Variants in CUL2 observed in about 807,000 individuals in gnomAD.
CUL2 encodes cullin 2, also known as cullin-2.
In CUL2, 22 loss-of-function variants were observed where a neutral mutation model predicts 110.2. That is an observed-to-expected ratio of 0.20 (90% CI 0.14 to 0.28). CUL2 has a LOEUF of 0.28. Among genes scored for constraint, CUL2 ranks in the 10% least tolerant of loss-of-function variants. The pLI, the probability that CUL2 is intolerant of heterozygous loss-of-function variation, is 1.00. For synonymous variants in CUL2, 279 were observed against 293.2 expected (o/e 0.95, Z 0.49); for missense variants, 631 against 905.5 (o/e 0.70, Z 3.89).
At chr10:35,110,757 T>G (rs576003173) in intron 1 of CUL2, among the ~76,000 whole-genome samples, 1 of 152,248 alleles carries the variant, frequency 6.6e-6, no homozygotes, top group Admixed American at 6.5e-5. Flanking sequence ...TCTGTGTGCA[T>G]GCATCCCTCG....
In CUL2 at chr10:35,012,236, G is replaced by A. The variant is rs115148655; in HGVS notation, c.1990-272C>T. On this transcript the variant is annotated intron_variant, in intron 19 of 20. Coordinates refer to ENST00000374749, the MANE Select transcript of CUL2 (RefSeq NM_003591.4). ...ATTGAGCAAATTATATAGTTATGTT[G>A]TGCCAATATCACATAACCACTGCTA... Among the ~76,000 whole-genome samples, 677 of 151,958 alleles carry A rather than the reference G, an allele frequency of 4.5e-3. 7 individuals are homozygous for A. Among genetic ancestry groups the A allele is most frequent in the African/African-American group, 0.015 (625 of 41,404 alleles).
At chr10:35,084,682 T>C (rs2087017927) in intron 1 of CUL2, among the ~76,000 whole-genome samples, 1 of 152,228 alleles carries the variant, frequency 6.6e-6, no homozygotes, top group Non-Finnish European at 1.5e-5. Flanking sequence ...GGTTCAGTCA[T>C]ACATCTCATA....
chr10:35,113,851 C>T (rs533401343), intron 1 of CUL2, among the ~76,000 whole-genome samples: 4 of 150,936 alleles, frequency 2.7e-5, no homozygotes, highest in African/African-American at 9.7e-5. Context: ...GGATTACAGG[C>T]GCCCACCACA....
chr10:35,084,480 T>C, intron 1 of CUL2, among the ~76,000 whole-genome samples: 1 of 152,156 alleles, frequency 6.6e-6, no homozygotes, highest in Non-Finnish European at 1.5e-5. Flanking sequence ...ATCAAAGGGA[T>C]TGTCTCCAAT....
intron 2 of CUL2, among the ~76,000 whole-genome samples, chr10:35,067,154 A>G (rs1012784226): frequency 6.6e-6 from 1 of 151,648 alleles, no homozygotes; most frequent in Admixed American, 6.6e-5. Flanking sequence ...AAAAAAAAAA[A>G]AAAAGAAATG....
intron 16 of CUL2, 93 bp from the exon 17 acceptor site, chr10:35,025,291 C>T: frequency 7.1e-7 from 1 of 1,411,580 alleles, no homozygotes; most frequent in Non-Finnish European, 9.2e-7. Context: ...GAAAACCATT[C>T]ATATTAGAAG....
intron 1 of CUL2, among the ~76,000 whole-genome samples, chr10:35,077,727 G>C (rs1206536186): frequency 1.3e-5 from 2 of 150,920 alleles, no homozygotes; most frequent in Non-Finnish European, 2.9e-5. Flanking sequence ...TGAGGCAGGA[G>C]AATCGCTTGA....
chr10:35,047,376 C>T (rs1331842702), intron 6 of CUL2, among the ~76,000 whole-genome samples: 6 of 151,688 alleles, frequency 4.0e-5, no homozygotes, highest in Non-Finnish European at 7.4e-5. Flanking sequence ...TTTGGAAGGC[C>T]GAGGCGGGTG....
chr10:35,020,577 A>G (rs778060556), intron 17 of CUL2, among the ~76,000 whole-genome samples: 1 of 152,182 alleles, frequency 6.6e-6, no homozygotes, highest in Non-Finnish European at 1.5e-5. Context: ...GATCCATACT[A>G]TGTACTGTCT....
intron 5 of CUL2, among the ~76,000 whole-genome samples, chr10:35,050,806 G>A (rs1331947125): frequency 1.1e-4 from 17 of 152,116 alleles, no homozygotes; most frequent in Admixed American, 1.1e-3. Flanking sequence ...TGCATCATTT[G>A]GCCCACATAA....
intron 1 of CUL2, among the ~76,000 whole-genome samples, chr10:35,113,220 G>T (rs2087543117): frequency 6.7e-6 from 1 of 149,492 alleles, no homozygotes; most frequent in African/African-American, 2.5e-5. Context: ...CAGCGGCCAG[G>T]TGCGGTGGCT....
intron 1 of CUL2, chr10:35,079,588 G>C (rs918207439): frequency 6.5e-6 from 1 of 152,792 alleles, no homozygotes; most frequent in Admixed American, 6.5e-5. Flanking sequence ...TTTACAGATT[G>C]AGATTTGACA....
At position 35,033,063 on chromosome 10, in the gene CUL2, A is replaced by G. The variant is rs2085517921; in HGVS notation, c.1110+103T>C. On this transcript the variant is annotated intron_variant, in intron 11 of 20. Coordinates refer to ENST00000374749, the MANE Select transcript of CUL2 (RefSeq NM_003591.4). ...TTCATATCAAAATTACTTAATCTCC[A>G]TGTCTACATCAGAAACCTCATACTA... The G allele has an allele frequency of 5.8e-6, 3 of 515,976 alleles. No individual in the cohort carries two copies. In the East Asian group the frequency reaches 1.0e-4, roughly 17 times the overall value. 32.0% of individuals were successfully genotyped at this position (515,976 alleles called of 1,614,324 possible).
Position 35,106,038 on chromosome 10 carries a change from G to A in CUL2, c.-50-4978C>T, listed in dbSNP as rs554157628. 1.4e-4 allele frequency among the ~76,000 whole-genome samples: 22 copies of A among 152,256 alleles called. No individual in the cohort carries two copies. The South Asian group carries it at 4.4e-3, about 30-fold the overall frequency. The stretch of plus-strand genomic sequence containing the variant: ...TGTGTAGGTGCTATAGAAAAAATGC[G>A]TTCCCCCAAAATTCGTATGTTGAAA... On this transcript the variant is annotated intron_variant, in intron 1 of 5. Coordinates refer to the CUL2 transcript ENST00000685421.
rs577897062 is a variant in CUL2, at chr10:35,070,125, A to ATCC, written c.119+1073_119+1074insGGA. Among the ~76,000 whole-genome samples, 40 of 152,328 alleles carry ATCC rather than the reference A, an allele frequency of 2.6e-4. No individual in the cohort carries two copies. The South Asian group carries it at 8.1e-3, about 31-fold the overall frequency. ...TGAGATCAGTTTCCTTATCCGTTAC[A>ATCC]GTCAAGTAATTATTTTTGCCCCACT... On this transcript the variant is annotated intron_variant, in intron 2 of 20. Transcript: ENST00000374749.
intron 1 of CUL2, among the ~76,000 whole-genome samples, chr10:35,105,326 T>C (rs2087439718): frequency 6.6e-6 from 1 of 151,648 alleles, no homozygotes. Context: ...CTCTGGAGGC[T>C]GAGGCAGGAG....
In CUL2 at chr10:35,032,074, T is replaced by C. The variant is rs566628427; in HGVS notation, c.1170+361A>G. Among the ~76,000 whole-genome samples, 13 of 152,294 alleles carry C rather than the reference T, an allele frequency of 8.5e-5. No individual in the cohort carries two copies. The South Asian group carries it at 2.7e-3, about 32-fold the overall frequency. On this transcript the variant is annotated intron_variant, in intron 12 of 20. Coordinates refer to ENST00000374749, the MANE Select transcript of CUL2 (RefSeq NM_003591.4). ...CGAGTGGTTTTATAATTTTTGACAT[T>C]GAACAAGTACTTTAAAAAAAAGTTA...
At chr10:35,041,141 T>C (rs2085776383) in intron 8 of CUL2, among the ~76,000 whole-genome samples, 1 of 152,222 alleles carries the variant, frequency 6.6e-6, no homozygotes, top group South Asian at 2.1e-4. Flanking sequence ...ATAAATCCTT[T>C]AAGGGCTATT....
chr10:35,048,818 C>A (rs959137116), intron 6 of CUL2, among the ~76,000 whole-genome samples: 1 of 152,168 alleles, frequency 6.6e-6, no homozygotes, highest in African/African-American at 2.4e-5. Context: ...CTCTTATCTT[C>A]TTATGTGAGG....
Sources: gnomAD v4.1 joint callset for allele counts (sites outside exome capture counted in the v4.1 genomes callset) on GRCh38, gnomAD v4.1.1 for gene constraint, MANE v1.5 for transcripts, NCBI Gene and HGNC (gene_info 2026-07-23, HGNC 2026-07-21) for gene names.